Variants in ZNF358 observed in about 807,000 individuals in gnomAD.
ZNF358 encodes the protein zinc finger protein 358.
ZNF358 carries 1 observed loss-of-function variant against 2.1 expected under a neutral mutation model. The observed-to-expected ratio is 0.49, with a 90% CI of 0.17 to 2.30. The LOEUF (loss-of-function observed/expected upper bound fraction) is 2.30, where lower values mean the gene tolerates loss of function less well. Among genes scored for constraint, ZNF358 ranks in the 30% most tolerant of loss-of-function variants. ZNF358 has a pLI of 0.26. For synonymous variants in ZNF358, 381 were observed against 359.7 expected (o/e 1.06, Z -0.67); for missense variants, 665 against 806.8 (o/e 0.82, Z 2.13).
chr19:7,518,082 A>G (rs2022370123), intron 1 of ZNF358, among the ~76,000 whole-genome samples: 1 of 152,218 alleles, frequency 6.6e-6, no homozygotes, highest in Non-Finnish European at 1.5e-5. Flanking sequence ...TCTCCTCCAC[A>G]GGACCCCAGC....
rs768560181 is a variant in ZNF358, at chr19:7,519,308, C to T, written c.66C>T (p.Leu22=). ...HKGLRPVYEE[L]DSDSEDLDPN... is the part of the protein sequence containing the mutation. ...GCCTGAGACCCGTTTATGAAGAGCTCGACTCTGACTCCGAGGACCTAGACC... is the reference window on the plus strand; with the variant it reads ...GCCTGAGACCCGTTTATGAAGAGCTTGACTCTGACTCCGAGGACCTAGACC... The change falls in exon 2 of 2, where the codon CTC becomes CTT. Residue 22 remains leucine, a synonymous_variant. Transcript: ENST00000597229. The T allele has an allele frequency of 7.4e-6, 12 of 1,614,014 alleles. No individual in the cohort carries two copies. In the Admixed American group the frequency reaches 8.3e-5, roughly 11 times the overall value.
intron 1 of ZNF358, among the ~76,000 whole-genome samples, chr19:7,518,567 G>GA (rs1555740153): frequency 7.0e-6 from 1 of 143,002 alleles, no homozygotes; most frequent in African/African-American, 2.6e-5. Flanking sequence ...GAGAAAGAAA[G>GA]AAAGAAAGAA....
chr19:7,519,847 C>T lies in ZNF358; in HGVS notation c.605C>T (p.Thr202Ile). ...ATLAQHRGIHTGARPYQCAAC... is the reference protein window; with the variant it reads ...ATLAQHRGIHIGARPYQCAAC... ...CTGGCTCAGCACCGTGGCATCCACA[C>T]TGGGGCGCGGCCGTACCAGTGCGCG... Residue 202 changes from threonine (T) to isoleucine (I), a missense_variant, in exon 2 of 2, where the codon ACT (threonine) becomes ATT (isoleucine). Physicochemically the swap from Thr to Ile is moderately conservative, Grantham distance 89. Transcript: ENST00000597229. The T allele has an allele frequency of 6.5e-7, 1 of 1,532,206 alleles. No individual in the cohort carries two copies. Among genetic ancestry groups the T allele is most frequent in the Non-Finnish European group, 8.7e-7 (1 of 1,145,676 alleles). The allele number at this position is 1,532,206 out of a possible 1,614,324, so 94.9% of individuals were successfully genotyped here.
intron 1 of ZNF358, among the ~76,000 whole-genome samples, chr19:7,518,599 G>GAAAGAAAGAATGAATT (rs1239214321): frequency 1.1e-5 from 1 of 94,928 alleles, no homozygotes; most frequent in Admixed American, 1.0e-4. Flanking sequence ...AAGAAAGAAA[G>GAAAGAAAGAATGAATT]AATTGAAGTT....
upstream of ZNF358, among the ~76,000 whole-genome samples, chr19:7,514,453 A>G (rs184259954): frequency 3.3e-5 from 5 of 152,352 alleles, no homozygotes; most frequent in South Asian, 4.1e-4. Context: ...GTTATCTCCA[A>G]TCTCTCAGAT....
In ZNF358 at chr19:7,519,948, C is replaced by A; in HGVS notation, c.706C>A (p.His236Asn). ...RSSHSGEKPH[H>N]CPVCGKAFGH... ...CAGCCACAGCGGGGAGAAGCCGCAC[C>A]ACTGCCCGGTGTGTGGCAAGGCCTT... Residue 236 changes from histidine (H) to asparagine (N), a missense_variant, in exon 2 of 2, where the codon CAC becomes AAC. Around this residue, in one of 3 missense-constraint regions of ZNF358, gnomAD observed 210 missense variants for 350.8 expected, o/e 0.60. Coordinates refer to ENST00000597229, the MANE Select transcript of ZNF358 (RefSeq NM_018083.5). 1.3e-6 allele frequency: 2 copies of A among 1,523,072 alleles called. No homozygotes were observed. The highest frequency in any genetic ancestry group is 1.8e-6 in the Non-Finnish European group (2 of 1,140,208). 94.3% of individuals were successfully genotyped at this position (1,523,072 alleles called of 1,614,324 possible).
In ZNF358 at chr19:7,519,303, G is replaced by A. The variant is rs746878303; in HGVS notation, c.61G>A (p.Glu21Lys). 1.9e-6 allele frequency: 3 copies of A among 1,614,074 alleles called. No homozygotes were observed. Among genetic ancestry groups the A allele is most frequent in the Non-Finnish European group, 2.5e-6 (3 of 1,180,018 alleles). ...CAAAGGCCTGAGACCCGTTTATGAAGAGCTCGACTCTGACTCCGAGGACCT... is the reference window on the plus strand; with the variant it reads ...CAAAGGCCTGAGACCCGTTTATGAAAAGCTCGACTCTGACTCCGAGGACCT... The part of the protein sequence containing the change: ...GHKGLRPVYE[E>K]LDSDSEDLDP... The change falls in exon 2 of 2, where the codon GAG becomes AAG. Residue 21 changes from glutamate to lysine, a missense_variant. Physicochemically the swap from Glu to Lys is moderately conservative, Grantham distance 56. Around this residue, in one of 3 missense-constraint regions of ZNF358, gnomAD observed 206 missense variants for 228.4 expected, o/e 0.90. Transcript: ENST00000597229.
chr19:7,519,604 AC>A lies in ZNF358; in HGVS notation c.366del (p.Ile123SerfsTer44). On this transcript the variant is annotated frameshift_variant, in exon 2 of 2. Coordinates refer to ENST00000597229, the MANE Select transcript of ZNF358 (RefSeq NM_018083.5). LOFTEE classifies it low-confidence loss of function (END_TRUNC). ...DTLSPGDPKVDPISSGLTATP... is the reference protein window; with the variant it reads ...DTLSPGDPKVXPISSGLTATP... ...CTCAGCCCCGGCGATCCAAAAGTGG[AC>A]CCCATCTCCTCTGGCCTCACTGCCA... The A allele has an allele frequency of 6.3e-7, 1 of 1,598,874 alleles. No individual in the cohort carries two copies.
Position 7,520,558 on chromosome 19 carries a change from G to A in ZNF358, c.1316G>A (p.Gly439Asp), listed in dbSNP as rs759992139. 4.7e-6 allele frequency: 6 copies of A among 1,274,220 alleles called. No homozygotes were observed. The highest frequency in any genetic ancestry group is 6.7e-6 in the Non-Finnish European group (6 of 894,550). 78.9% of individuals were successfully genotyped at this position (1,274,220 alleles called of 1,614,324 possible). A position where few individuals can be genotyped will look rare whatever the true frequency, so the allele number is the denominator to read the frequency against. ...AGGCCGGGGCAGGTCTCCCTCCTGG[G>A]TCCTGATGCTGTTTCTGTGCTCGGC... ...MMRPGQVSLL[G>D]PDAVSVLGSG... Residue 439 changes from glycine (G) to aspartate (D), a missense_variant, in exon 2 of 2, where the codon GGT becomes GAT. Around this residue, in one of 3 missense-constraint regions of ZNF358, gnomAD observed 249 missense variants for 227.6 expected, o/e 1.09. Coordinates refer to ENST00000597229, the MANE Select transcript of ZNF358 (RefSeq NM_018083.5). This position sits in a 1 kb window ranked among gnomAD's most constrained non-coding sequence, Gnocchi z 6.0.
chr19:7,515,852 G>A (rs888135695), upstream of ZNF358, among the ~76,000 whole-genome samples: 4 of 152,224 alleles, frequency 2.6e-5, no homozygotes, highest in Non-Finnish European at 4.4e-5. Context: ...CAGAGAGAGG[G>A]ACAGGGATGG....
In ZNF358 at chr19:7,520,036, G is replaced by A. The variant is rs1424713278; in HGVS notation, c.794G>A (p.Cys265Tyr). 2 of 1,544,274 alleles carry A rather than the reference G, an allele frequency of 1.3e-6. No homozygotes were observed. The highest frequency in any genetic ancestry group is 8.7e-7 in the Non-Finnish European group (1 of 1,152,456). Reference sequence around the variant, plus strand: ...CACGGCGGCCCGCGGCCCCACAAGTGCCCGGTGTGCGCCAAGGGCTTCGGC... The same window carrying A: ...CACGGCGGCCCGCGGCCCCACAAGTACCCGGTGTGCGCCAAGGGCTTCGGC... ...RTHGGPRPHK[C>Y]PVCAKGFGQG... Residue 265 changes from cysteine to tyrosine, a missense_variant, in exon 2 of 2, where the codon TGC becomes TAC. This residue lies in a region of ZNF358 where 210 missense variants were observed against 350.8 expected (regional missense o/e 0.60). Coordinates refer to ENST00000597229, the MANE Select transcript of ZNF358 (RefSeq NM_018083.5). This position sits in a 1 kb window ranked among gnomAD's most constrained non-coding sequence, Gnocchi z 6.0.
chr19:7,518,022 A>G (rs1015834434), intron 1 of ZNF358, among the ~76,000 whole-genome samples: 2 of 152,194 alleles, frequency 1.3e-5, no homozygotes, highest in African/African-American at 4.8e-5. Flanking sequence ...TGACACCCAC[A>G]CTGTTCCCCA....
In ZNF358 at chr19:7,520,657, C is replaced by T. The variant is rs540877522; in HGVS notation, c.1415C>T (p.Pro472Leu). 2.5e-6 allele frequency: 4 copies of T among 1,597,516 alleles called. No individual in the cohort carries two copies. The highest frequency in any genetic ancestry group is 4.6e-5 in the East Asian group (2 of 43,804). Residue 472 changes from proline to leucine, a missense_variant, in exon 2 of 2, where the codon CCG becomes CTG. Pro to Leu is a moderately conservative substitution (Grantham distance 98). Coordinates refer to ENST00000597229, the MANE Select transcript of ZNF358 (RefSeq NM_018083.5). This position sits in a 1 kb window ranked among gnomAD's most constrained non-coding sequence, Gnocchi z 6.0. ...CCTGGCTCTGGGCCGGGCACTCTGC[C>T]GGATCCCAGCTCCAAACCCCTCCCC... Reference protein sequence around the residue: ...PDPGSGPGTLPDPSSKPLPGS... With the variant: ...PDPGSGPGTLLDPSSKPLPGS...
In ZNF358 at chr19:7,520,538, G is replaced by A. The variant is rs990877013; in HGVS notation, c.1296G>A (p.Pro432=). 3 of 1,252,486 alleles carry A rather than the reference G, an allele frequency of 2.4e-6. No homozygotes were observed. The highest frequency in any genetic ancestry group is 3.4e-6 in the Non-Finnish European group (3 of 875,518). 77.6% of individuals were successfully genotyped at this position (1,252,486 alleles called of 1,614,324 possible). A position where few individuals can be genotyped will look rare whatever the true frequency, so the allele number is the denominator to read the frequency against. The change falls in exon 2 of 2, where the codon CCG becomes CCA. Residue 432 remains proline, a synonymous_variant. Transcript: ENST00000597229. The surrounding 1 kb of genome is among the most constrained non-coding windows in gnomAD (Gnocchi z 6.0). ...TAAGCCCTGCATCCATGATGAGGCC[G>A]GGGCAGGTCTCCCTCCTGGGTCCTG... ...PGLSPASMMR[P]GQVSLLGPDA...
rs1299544492 is a variant in ZNF358, at chr19:7,519,719, C to G, written c.477C>G (p.Ala159=). The change falls in exon 2 of 2, where the codon GCC becomes GCG. Residue 159 remains alanine (A), a synonymous_variant. Coordinates refer to ENST00000597229, the MANE Select transcript of ZNF358 (RefSeq NM_018083.5). ...TCTCCTGCCCGGATTGCGGGCGAGC[C>G]TTCCGCCGCAGCTCCGGGCTGAGCC... ...RPFSCPDCGR[A]FRRSSGLSQH... 3 of 1,573,372 alleles carry G rather than the reference C, an allele frequency of 1.9e-6. No homozygotes were observed. Among genetic ancestry groups the G allele is most frequent in the Non-Finnish European group, 2.6e-6 (3 of 1,167,216 alleles).
At position 7,520,488 on chromosome 19, in the gene ZNF358, G is replaced by C; in HGVS notation, c.1246G>C (p.Ala416Pro). Residue 416 changes from alanine to proline, a missense_variant, in exon 2 of 2, where the codon GCC becomes CCC. Around this residue, in one of 3 missense-constraint regions of ZNF358, gnomAD observed 249 missense variants for 227.6 expected, o/e 1.09. Coordinates refer to ENST00000597229, the MANE Select transcript of ZNF358 (RefSeq NM_018083.5). This position sits in a 1 kb window ranked among gnomAD's most constrained non-coding sequence, Gnocchi z 6.0. ...AAAAAAAAAA[A>P]GLGLGPGLSP... ...GGCCGCTGCAGCTGCAGCAGCGGCCGCCGGCCTGGGCCTCGGGCCTGGCCT... is the reference window on the plus strand; with the variant it reads ...GGCCGCTGCAGCTGCAGCAGCGGCCCCCGGCCTGGGCCTCGGGCCTGGCCT... 1 of 1,217,172 alleles carries C rather than the reference G, an allele frequency of 8.2e-7. No individual in the cohort carries two copies. Among genetic ancestry groups the C allele is most frequent in the Non-Finnish European group, 1.1e-6 (1 of 889,460 alleles). The allele number at this position is 1,217,172 out of a possible 1,614,324, so 75.4% of individuals were successfully genotyped here.
chr19:7,516,461 C>T lies in ZNF358; in HGVS notation c.-39+212C>T, dbSNP rs987313768. 6.7e-5 allele frequency among the ~76,000 whole-genome samples: 10 copies of T among 150,356 alleles called. No individual in the cohort carries two copies. Among genetic ancestry groups the T allele is most frequent in the Non-Finnish European group, 1.0e-4 (7 of 67,378 alleles). On this transcript the variant is annotated intron_variant, in intron 1 of 1. Transcript: ENST00000597229. This position sits in a 1 kb window ranked among gnomAD's most constrained non-coding sequence, Gnocchi z 5.9. ...GCTCCGGCCTAGCGCACCCATCCCG[C>T]CGCTGGGGCCCGGGGGGAAAGGGCC...
chr19:7,520,448 T>TGCTGCAGCTGCCGCGGCCGCTGCA lies in ZNF358; in HGVS notation c.1215_1238dup (p.Ala409_Ala416dup), dbSNP rs763184313. The TGCTGCAGCTGCCGCGGCCGCTGCA allele has an allele frequency of 2.3e-6, 3 of 1,331,662 alleles. No homozygotes were observed. The highest frequency in any genetic ancestry group is 3.2e-5 in the African/African-American group (2 of 62,158). 82.5% of individuals were successfully genotyped at this position (1,331,662 alleles called of 1,614,324 possible). A position where few individuals can be genotyped will look rare whatever the true frequency, so the allele number is the denominator to read the frequency against. ...AACGGGTGCATGAGGGTGCAGCCGC[T>TGCTGCAGCTGCCGCGGCCGCTGCA]GCTGCAGCTGCCGCGGCCGCTGCAG... On this transcript the variant is annotated inframe_insertion, in exon 2 of 2. Transcript: ENST00000597229. The surrounding 1 kb of genome is among the most constrained non-coding windows in gnomAD (Gnocchi z 6.0).
chr19:7,514,237 G>A (rs2022307374), upstream of ZNF358, among the ~76,000 whole-genome samples: 1 of 152,182 alleles, frequency 6.6e-6, no homozygotes, highest in Non-Finnish European at 1.5e-5. Context: ...GGGGATAGGG[G>A]CCCTTTGATT....
Sources: allele counts gnomAD v4.1 joint callset (sites outside exome capture counted in the v4.1 genomes callset), GRCh38; gene constraint gnomAD v4.1.1; regional missense constraint gnomAD v4.1.1; non-coding constraint Gnocchi (gnomAD v3.1); transcripts MANE v1.5; gene names NCBI Gene and HGNC (gene_info 2026-07-23, HGNC 2026-07-21).